The following WNT3A variants were observed in gnomAD, a reference collection of about 807,000 sequenced individuals.
WNT3A encodes the protein Wnt family member 3A.
A neutral mutation model predicts 37.0 loss-of-function variants in WNT3A; 17 were observed. The ratio of observed to expected loss-of-function variants is 0.46; its 90% CI spans 0.31 to 0.69. WNT3A has a LOEUF of 0.69. Among genes scored for constraint, WNT3A ranks in the 30% least tolerant of loss-of-function variants. The pLI, the probability that WNT3A is intolerant of heterozygous loss-of-function variation, is 0.05. For synonymous variants in WNT3A, 187 were observed against 211.0 expected (o/e 0.89, Z 0.99); for missense variants, 411 against 510.2 (o/e 0.81, Z 1.87).
At position 228,054,335 on chromosome 1, in the gene WNT3A, A is replaced by G. The variant is rs142825852; in HGVS notation, c.579+3414A>G. On this transcript the variant is annotated intron_variant, in intron 3 of 3. Transcript: ENST00000284523. Reference sequence around the variant, plus strand: ...TTTCTATAATAATTTTTTAGAAAACACAATGTTGGCTGGGCGTGGTGGCTC... The same window carrying G: ...TTTCTATAATAATTTTTTAGAAAACGCAATGTTGGCTGGGCGTGGTGGCTC... 4.7e-3 allele frequency among the ~76,000 whole-genome samples: 720 copies of G among 152,286 alleles called. 3 individuals are homozygous for G. Among genetic ancestry groups the G allele is most frequent in the African/African-American group, 0.016 (683 of 41,566 alleles).
intron 2 of WNT3A, among the ~76,000 whole-genome samples, chr1:228,027,440 T>C (rs1227849703): frequency 6.6e-6 from 1 of 152,192 alleles, no homozygotes; most frequent in Non-Finnish European, 1.5e-5. Context: ...CAACATCTAT[T>C]ATTTTTTGAT....
chr1:228,030,267 G>T (rs1352423777), intron 2 of WNT3A, among the ~76,000 whole-genome samples: 1 of 151,448 alleles, frequency 6.6e-6, no homozygotes. Context: ...GGGGTGGTGG[G>T]CATCTGTAAT....
intron 2 of WNT3A, among the ~76,000 whole-genome samples, chr1:228,044,347 G>A (rs183666245): frequency 9.2e-5 from 14 of 152,250 alleles, no homozygotes; most frequent in Non-Finnish European, 1.5e-5. Context: ...CACTCTGGAC[G>A]TCACTCAGCT....
At chr1:228,020,722 C>T (rs2030679914) in intron 1 of WNT3A, among the ~76,000 whole-genome samples, 1 of 152,102 alleles carries the variant, frequency 6.6e-6, no homozygotes, top group South Asian at 2.1e-4. Context: ...AAGAAGTGAA[C>T]AAGGGAGCCG....
At chr1:228,020,523 C>T (rs1186639349) in intron 1 of WNT3A, among the ~76,000 whole-genome samples, 1 of 152,204 alleles carries the variant, frequency 6.6e-6, no homozygotes, top group Admixed American at 6.5e-5. Context: ...GATGGTCATC[C>T]AGTTGCCGGG....
rs1422352208 is a variant in WNT3A, at chr1:228,007,226, CT to C, written c.71+28del. On this transcript the variant is annotated intron_variant, in intron 1 of 3. Coordinates refer to ENST00000284523, the MANE Select transcript of WNT3A (RefSeq NM_033131.4). The surrounding 1 kb of genome is among the most constrained non-coding windows in gnomAD (Gnocchi z 6.0). ...TGAGTGAGCCTCCTCGCGTTCGCCC[CT>C]GCCCCTGTGCGCCGCGCCCGCAGCA... The C allele has an allele frequency of 6.3e-7, 1 of 1,590,210 alleles. No individual in the cohort carries two copies. The highest frequency in any genetic ancestry group is 8.6e-7 in the Non-Finnish European group (1 of 1,168,952).
chr1:228,013,034 A>G (rs879707256), intron 1 of WNT3A, among the ~76,000 whole-genome samples: 2 of 151,630 alleles, frequency 1.3e-5, no homozygotes, highest in Non-Finnish European at 1.5e-5. Context: ...GAGCACCACC[A>G]CTCCCAGCTA....
chr1:228,026,185 T>C (rs2102766904), intron 2 of WNT3A, among the ~76,000 whole-genome samples: 1 of 152,282 alleles, frequency 6.6e-6, no homozygotes, highest in Middle Eastern at 3.4e-3. Flanking sequence ...TTAATTTGTT[T>C]GTTAGCTTTG....
At chr1:228,020,742 G>C (rs1274372856) in intron 1 of WNT3A, among the ~76,000 whole-genome samples, 1 of 152,224 alleles carries the variant, frequency 6.6e-6, no homozygotes, top group Non-Finnish European at 1.5e-5. Flanking sequence ...GACTGTGCAA[G>C]GACAGACTGC....
At chr1:228,032,703 T>G (rs2031038809) in intron 2 of WNT3A, among the ~76,000 whole-genome samples, 1 of 152,216 alleles carries the variant, frequency 6.6e-6, no homozygotes, top group Admixed American at 6.5e-5. Flanking sequence ...AGGAGCAGAA[T>G]TGGGTCACAG....
In WNT3A at chr1:228,050,906, C is replaced by T. The variant is rs145882986; in HGVS notation, c.564C>T (p.Asn188=). 660 of 1,540,218 alleles carry T rather than the reference C, an allele frequency of 4.3e-4. 1 individual carries two copies. In the Middle Eastern group the frequency reaches 4.4e-3, roughly 10 times the overall value. ...GCTCAGCCATGAACCGCCACAACAA[C>T]GAGGCTGGGCGCCAGGTAGGTTCGC... ...DARSAMNRHN[N]EAGRQAIASH... is the part of the protein sequence containing the mutation. The change falls in exon 3 of 4, where the codon AAC becomes AAT. Residue 188 remains asparagine (N), a synonymous_variant. Transcript: ENST00000284523. The surrounding 1 kb of genome is among the most constrained non-coding windows in gnomAD (Gnocchi z 5.0).
chr1:228,050,896 G>T lies in WNT3A; in HGVS notation c.554G>T (p.Arg185Leu). Residue 185 changes from arginine (R) to leucine (L), a missense_variant, in exon 3 of 4, where the codon CGC becomes CTC. Coordinates refer to ENST00000284523, the MANE Select transcript of WNT3A (RefSeq NM_033131.4). This position sits in a 1 kb window ranked among gnomAD's most constrained non-coding sequence, Gnocchi z 5.0. ...CCAGATGCCCGCTCAGCCATGAACC[G>T]CCACAACAACGAGGCTGGGCGCCAG... ...NRPDARSAMNRHNNEAGRQAI... is the reference protein window; with the variant it reads ...NRPDARSAMNLHNNEAGRQAI... 6.4e-7 allele frequency: 1 copy of T among 1,553,072 alleles called. No homozygotes were observed. The highest frequency in any genetic ancestry group is 2.3e-5 in the East Asian group (1 of 43,964).
intron 3 of WNT3A, among the ~76,000 whole-genome samples, chr1:228,058,600 G>A (rs1368547591): frequency 6.6e-6 from 1 of 152,338 alleles, no homozygotes. Flanking sequence ...TCTGGGCAGC[G>A]TGCCTGAGTC....
chr1:228,051,396 G>A (rs2031551020), intron 3 of WNT3A, among the ~76,000 whole-genome samples: 3 of 152,174 alleles, frequency 2.0e-5, no homozygotes. Context: ...ATGGAACAAA[G>A]AGCATCTTGA....
intron 2 of WNT3A, among the ~76,000 whole-genome samples, chr1:228,049,895 C>T (rs1023595889): frequency 2.6e-5 from 4 of 151,234 alleles, no homozygotes; most frequent in African/African-American, 4.9e-5. Flanking sequence ...CTCCCACCTC[C>T]GCTTCCTGAA....
chr1:228,058,900 A>T, intron 3 of WNT3A, 86 bp from the exon 4 acceptor site: 2 of 1,333,144 alleles, frequency 1.5e-6, no homozygotes, highest in Non-Finnish European at 2.0e-6. Flanking sequence ...TGGAGCAGGT[A>T]GGCTGCAGGC....
chr1:228,040,051 G>A (rs2031239820), intron 2 of WNT3A, among the ~76,000 whole-genome samples: 1 of 152,142 alleles, frequency 6.6e-6, no homozygotes, highest in African/African-American at 2.4e-5. Context: ...AGATAGGCAT[G>A]TCCCCCTCAG....
intron 1 of WNT3A, among the ~76,000 whole-genome samples, chr1:228,013,111 C>A (rs2030422224): frequency 6.6e-6 from 1 of 152,170 alleles, no homozygotes; most frequent in African/African-American, 2.4e-5. Context: ...CTAGAAGAAA[C>A]CATGTGGCCC....
chr1:228,015,827 G>C (rs746246672), intron 1 of WNT3A, among the ~76,000 whole-genome samples: 2 of 151,998 alleles, frequency 1.3e-5, no homozygotes, highest in Non-Finnish European at 2.9e-5. Context: ...GGGAGAGGTC[G>C]AAGGGGAGAT....
Sources: gnomAD v4.1 joint callset for allele counts (sites outside exome capture counted in the v4.1 genomes callset) on GRCh38, gnomAD v4.1.1 for gene constraint, Gnocchi (gnomAD v3.1) non-coding constraint, MANE v1.5 for transcripts, NCBI Gene and HGNC (gene_info 2026-07-23, HGNC 2026-07-21) for gene names.